ABCB5: variants seen among roughly 807,000 people sequenced by gnomAD.
The protein encoded by ABCB5 is ATP-binding cassette sub-family B member 5.
Under a neutral mutation model 144.2 loss-of-function variants are expected in ABCB5, and 155 were observed. That is an observed-to-expected ratio of 1.08 (90% CI 0.94 to 1.23). The LOEUF is 1.23. Ranked by LOEUF, ABCB5 falls within the 50% of genes most tolerant of loss-of-function variation. The probability of loss-of-function intolerance (pLI) is 0.00; values close to 1 mark genes in which losing one functional copy is unlikely to be tolerated. For missense variants in ABCB5, 1,830 were observed against 1,520.8 expected (o/e 1.20, Z -3.38); for synonymous variants, 610 against 528.6 (o/e 1.15, Z -2.11).
intron 14 of ABCB5, chr7:20,667,650 T>C (rs916925899): frequency 1.3e-6 from 1 of 784,912 alleles, no homozygotes; most frequent in Admixed American, 6.4e-5. Context: ...TGTTTGCTTT[T>C]GGAAAATAAC....
chr7:20,668,252 GC>G (rs1785281613), intron 14 of ABCB5, among the ~76,000 whole-genome samples: 1 of 149,108 alleles, frequency 6.7e-6, no homozygotes, highest in African/African-American at 2.5e-5. Context: ...TCTCTGCCCG[GC>G]CGCCATCCCA....
intron 14 of ABCB5, among the ~76,000 whole-genome samples, chr7:20,678,962 C>G (rs908866249): frequency 1.3e-5 from 2 of 152,094 alleles, no homozygotes; most frequent in African/African-American, 4.8e-5. Flanking sequence ...GCATCACATA[C>G]AAAAACTAAT....
intron 20 of ABCB5, among the ~76,000 whole-genome samples, chr7:20,720,282 A>G (rs1356938107): frequency 6.6e-6 from 1 of 152,250 alleles, no homozygotes; most frequent in African/African-American, 2.4e-5. Context: ...ACAACTGAAG[A>G]AATTTAAAAG....
At position 20,753,513 on chromosome 7, in the gene ABCB5, T is replaced by A. The variant is rs763957187; in HGVS notation, c.3576+7T>A. 4.4e-6 allele frequency: 7 copies of A among 1,608,096 alleles called. No homozygotes were observed. ...CGATAATGACAGTGAGAAGGTAACATCATTTTCTTTTATCTCAGAATATAA... is the reference window on the plus strand; with the variant it reads ...CGATAATGACAGTGAGAAGGTAACAACATTTTCTTTTATCTCAGAATATAA... On this transcript the variant is annotated splice_region_variant and intron_variant, in intron 27 of 27. Transcript: ENST00000404938.
chr7:20,674,874 C>G (rs1583416828), intron 14 of ABCB5, among the ~76,000 whole-genome samples: 1 of 151,426 alleles, frequency 6.6e-6, no homozygotes, highest in Non-Finnish European at 1.5e-5. Flanking sequence ...CACAACAAAT[C>G]TTCTGAAAAA....
chr7:20,689,068 T>C (rs1672462591), intron 16 of ABCB5, among the ~76,000 whole-genome samples: 1 of 152,122 alleles, frequency 6.6e-6, no homozygotes, highest in Admixed American at 6.6e-5. Context: ...TATACATATG[T>C]AACAAACCTG....
chr7:20,668,548 A>T (rs1785307942), intron 14 of ABCB5, among the ~76,000 whole-genome samples: 1 of 150,802 alleles, frequency 6.6e-6, no homozygotes. Context: ...CTGGGAAATG[A>T]GGAGCGTCTC....
intron 4 of ABCB5, among the ~76,000 whole-genome samples, chr7:20,630,215 A>G (rs933020908): frequency 1.3e-5 from 2 of 152,182 alleles, no homozygotes; most frequent in Admixed American, 1.3e-4. Flanking sequence ...CACTGGAAGT[A>G]TTGTTATAAA....
chr7:20,724,835 T>C (rs879256000), intron 21 of ABCB5, among the ~76,000 whole-genome samples: 1 of 152,088 alleles, frequency 6.6e-6, no homozygotes, highest in Non-Finnish European at 1.5e-5. Flanking sequence ...TGTAATCTCG[T>C]TTGCCTGAGC....
intron 16 of ABCB5, among the ~76,000 whole-genome samples, chr7:20,688,446 G>A (rs1054390925): frequency 9.9e-5 from 15 of 152,098 alleles, no homozygotes; most frequent in Admixed American, 2.0e-4. Flanking sequence ...TTAGAATGGC[G>A]ATCATTAAAA....
At chr7:20,641,456 G>A (rs1302353944) in intron 5 of ABCB5, 1 of 152,672 alleles carries the variant, frequency 6.5e-6, no homozygotes, top group South Asian at 2.1e-4. Context: ...GCTGAGGCAG[G>A]AGGATTCCTT....
At chr7:20,619,079 A>G (rs1213480061) in intron 1 of ABCB5, among the ~76,000 whole-genome samples, 1 of 152,042 alleles carries the variant, frequency 6.6e-6, no homozygotes, top group Non-Finnish European at 1.5e-5. Context: ...CCAGCCACGT[A>G]CCACATTTTC....
rs67014566 is a variant in ABCB5 at position 20,707,801 on chromosome 7, CTTTTT to C, written c.2421+3012_2421+3016del. 4.3e-3 allele frequency among the ~76,000 whole-genome samples: 397 copies of C among 93,060 alleles called. 6 individuals carry two copies. The Admixed American group carries it at 0.044, about 10-fold the overall frequency. 61.1% of individuals were successfully genotyped at this position (93,060 alleles called of 152,430 possible). On this transcript the variant is annotated intron_variant, in intron 20 of 27. Coordinates refer to ENST00000404938, the MANE Select transcript of ABCB5 (RefSeq NM_001163941.2). ...TACCTGGACAATGGTAACCTCATTT[CTTTTT>C]TTTTTTTTTTTTTTTTTGAGACGGG...
At position 20,704,714 on chromosome 7, in the gene ABCB5, T is replaced by G; in HGVS notation, c.2338-10T>G. On this transcript the variant is annotated splice_polypyrimidine_tract_variant and intron_variant, in intron 19 of 27. Transcript: ENST00000404938. ...TTTGACAACCATATGTTAATTCTCC[T>G]TTTCTCTAGGATATTGCCTGGTTTG... 1 of 1,609,558 alleles carries G rather than the reference T, an allele frequency of 6.2e-7. No homozygotes were observed. The highest frequency in any genetic ancestry group is 1.3e-5 in the African/African-American group (1 of 74,826).
chr7:20,635,096 G>C (rs1346041882), intron 5 of ABCB5, among the ~76,000 whole-genome samples: 1 of 151,932 alleles, frequency 6.6e-6, no homozygotes, highest in Non-Finnish European at 1.5e-5. Context: ...GAGAGATAAG[G>C]GTCCAGTTTT....
intron 14 of ABCB5, chr7:20,659,276 GA>G: frequency 6.8e-7 from 1 of 1,473,658 alleles, no homozygotes; most frequent in South Asian, 1.4e-5. Flanking sequence ...GTGGCGGTAT[GA>G]AAAACCATTG....
intron 26 of ABCB5, among the ~76,000 whole-genome samples, chr7:20,750,681 GA>G (rs1033291864): frequency 5.9e-5 from 9 of 151,524 alleles, no homozygotes; most frequent in South Asian, 2.1e-4. Context: ...TTCTAAGGTT[GA>G]AAAAAAATCA....
At chr7:20,617,180 A>G (rs1189629486) in intron 1 of ABCB5, among the ~76,000 whole-genome samples, 2 of 152,160 alleles carry the variant, frequency 1.3e-5, no homozygotes, top group East Asian at 3.9e-4. Flanking sequence ...GACAGCAAAG[A>G]TGTCTAGGCT....
chr7:20,664,435 T>A (rs765109223), intron 14 of ABCB5, among the ~76,000 whole-genome samples: 22 of 152,214 alleles, frequency 1.4e-4, no homozygotes, highest in Non-Finnish European at 2.6e-4. Context: ...TTCCAAGGTT[T>A]TAAAGAATAT....
Sources: allele counts gnomAD v4.1 joint callset (sites outside exome capture counted in the v4.1 genomes callset), GRCh38; gene constraint gnomAD v4.1.1; transcripts MANE v1.5; gene names NCBI Gene and HGNC (gene_info 2026-07-23, HGNC 2026-07-21).